Variants in INTS6 observed in about 807,000 individuals in gnomAD.
INTS6 encodes DEAD box protein.
A neutral mutation model predicts 104.9 loss-of-function variants in INTS6; 16 were observed. The ratio of observed to expected loss-of-function variants is 0.15; its 90% CI spans 0.10 to 0.23. INTS6 has a LOEUF of 0.23. INTS6 is among the 10% of genes least tolerant of loss of function. INTS6 has a pLI of 1.00. For synonymous variants in INTS6, 324 were observed against 358.7 expected (o/e 0.90, Z 1.09); for missense variants, 584 against 1,062.8 (o/e 0.55, Z 6.26).
intron 4 of INTS6, among the ~76,000 whole-genome samples, chr13:51,402,992 G>A (rs1316219498): frequency 2.6e-5 from 4 of 152,124 alleles, no homozygotes; most frequent in Admixed American, 1.3e-4. Context: ...AGGATTTAAT[G>A]TAGATAAACT....
At chr13:51,450,391 G>A (rs1207135413) in intron 3 of INTS6, 2 of 985,204 alleles carry the variant, frequency 2.0e-6, no homozygotes, top group Non-Finnish European at 2.4e-6. Flanking sequence ...AAGAAACGAA[G>A]GGTTCTTTCA....
chr13:51,364,347 C>A lies in INTS6; in HGVS notation c.*1405G>T. On this transcript the variant is annotated 3_prime_UTR_variant, in exon 18 of 18. Transcript: ENST00000311234. ...AGTTATAATTTCATTTTGCTATACC[C>A]TTGAAATTTAAAAAAATGTCTGATA... The A allele has an allele frequency of 1.1e-6, 1 of 911,712 alleles. No homozygotes were observed. The highest frequency in any genetic ancestry group is 1.6e-6 in the Non-Finnish European group (1 of 624,062). The allele number at this position is 911,712 out of a possible 1,614,324, so 56.5% of individuals were successfully genotyped here. A position where few individuals can be genotyped will look rare whatever the true frequency, so the allele number is the denominator to read the frequency against.
At chr13:51,391,252 A>G (rs939961290) in intron 5 of INTS6, among the ~76,000 whole-genome samples, 3 of 152,148 alleles carry the variant, frequency 2.0e-5, no homozygotes, top group South Asian at 2.1e-4. Flanking sequence ...CATATTCCTA[A>G]GATGTCATTA....
the INTS6 span, chr13:51,341,235 G>A: frequency 2.7e-3 from 4,376 of 1,613,972 alleles, 11 homozygotes; most frequent in Non-Finnish European, 3.3e-3. Flanking sequence ...GAAATGAGAC[G>A]AACTTTGTCA....
rs1358109403 is a variant in INTS6 at position 51,452,332 on chromosome 13, C to T, written c.111+83G>A. On this transcript the variant is annotated intron_variant, in intron 1 of 17. Coordinates refer to ENST00000311234, the MANE Select transcript of INTS6 (RefSeq NM_012141.3). This position sits in a 1 kb window ranked among gnomAD's most constrained non-coding sequence, Gnocchi z 4.2. ...AGCTCCCGCAGTCAGGTCCCCGACA[C>T]CCCCGCCCCGGCCGCCCTCCCCCAC... 22 of 1,264,746 alleles carry T rather than the reference C, an allele frequency of 1.7e-5. No homozygotes were observed. In the South Asian group the frequency reaches 2.2e-4, roughly 13 times the overall value. 78.3% of individuals were successfully genotyped at this position (1,264,746 alleles called of 1,614,324 possible). A position where few individuals can be genotyped will look rare whatever the true frequency, so the allele number is the denominator to read the frequency against.
In INTS6 at chr13:51,368,954, G is replaced by A. The variant is rs1273652004; in HGVS notation, c.2461C>T (p.Arg821Ter). 1 of 1,583,076 alleles carries A rather than the reference G, an allele frequency of 6.3e-7. No homozygotes were observed. Among genetic ancestry groups the A allele is most frequent in the Non-Finnish European group, 8.6e-7 (1 of 1,163,918 alleles). ...TTATACATACTTCTTCCTGGCTTTC[G>A]GATCTCTTTCATTATTTGTGCTTTT... Reference protein sequence around the residue: ...ELKAQIMKEIRKPGRKYERIF... With the variant: ...ELKAQIMKEI The change falls in exon 16 of 18, where the codon CGA becomes TGA. Residue 821 changes from arginine (R) to a stop codon, truncating the protein, a stop_gained. Transcript: ENST00000311234. LOFTEE classifies it high-confidence loss of function.
intron 3 of INTS6, chr13:51,354,395 C>A (rs1193865986): frequency 6.6e-6 from 1 of 152,108 alleles, no homozygotes; most frequent in African/African-American, 2.4e-5. Context: ...TGATAATCCA[C>A]ATAAAGCTCT....
the INTS6 span, chr13:51,348,426 C>G: frequency 6.2e-7 from 1 of 1,606,384 alleles, no homozygotes; most frequent in African/African-American, 1.3e-5. Flanking sequence ...GCAGCTGAGT[C>G]CCCCTCACAG....
chr13:51,372,686 C>T (rs1279560811), intron 15 of INTS6, among the ~76,000 whole-genome samples: 2 of 152,204 alleles, frequency 1.3e-5, no homozygotes, highest in Non-Finnish European at 2.9e-5. Flanking sequence ...CCCAGTGTCT[C>T]TCAAGACATA....
chr13:51,384,575 C>A lies in INTS6; in HGVS notation c.895-834G>T, dbSNP rs117271676. On this transcript the variant is annotated intron_variant, in intron 7 of 17. Transcript: ENST00000311234. Reference sequence around the variant, plus strand: ...ACTACCCACTAGACATAACCTGAATCTTCCACAGGTTCCTCAGACACAATA... The same window carrying A: ...ACTACCCACTAGACATAACCTGAATATTCCACAGGTTCCTCAGACACAATA... The A allele has an allele frequency of 5.4e-4, 246 of 455,140 alleles. 1 individual carries two copies. The East Asian group carries it at 0.01, about 19-fold the overall frequency. 28.2% of individuals were successfully genotyped at this position (455,140 alleles called of 1,614,324 possible).
At chr13:51,388,792 T>C (rs1566217817) in intron 6 of INTS6, among the ~76,000 whole-genome samples, 1 of 152,230 alleles carries the variant, frequency 6.6e-6, no homozygotes, top group Non-Finnish European at 1.5e-5. Flanking sequence ...CACTGGCTAT[T>C]GGAAATAGTT....
In INTS6 at chr13:51,374,338, C is replaced by T. The variant is rs769798457; in HGVS notation, c.1974G>A (p.Arg658=). The change falls in exon 15 of 18, where the codon CGG becomes CGA. Residue 658 remains arginine (R), a synonymous_variant. Transcript: ENST00000311234. ...PNMQGIPKRR[R]CMSPLLRGRQ... ...TGCCTCTTAGTAGTGGAGACATACA[C>T]CGACGTCTTTTAGGGATCCCTTGCA... 31 of 1,613,976 alleles carry T rather than the reference C, an allele frequency of 1.9e-5. No homozygotes were observed. Among genetic ancestry groups the T allele is most frequent in the Non-Finnish European group, 8.5e-6 (10 of 1,179,992 alleles).
At chr13:51,450,491 T>G in intron 3 of INTS6, 1 of 985,358 alleles carries the variant, frequency 1.0e-6, no homozygotes, top group Non-Finnish European at 1.2e-6. Context: ...CCTGCAATAG[T>G]TGTTAACTGT....
chr13:51,342,645 C>T, the INTS6 span, among the ~76,000 whole-genome samples: 1 of 152,152 alleles, frequency 6.6e-6, no homozygotes, highest in Admixed American at 6.5e-5. Context: ...ATGTTTCTGA[C>T]TAAAAGAATG....
intron 15 of INTS6, among the ~76,000 whole-genome samples, chr13:51,370,695 TG>T (rs1401231405): frequency 1.3e-5 from 2 of 152,054 alleles, no homozygotes; most frequent in African/African-American, 4.8e-5. Flanking sequence ...GGCAGAAAAA[TG>T]GCAACTGCTT....
the INTS6 span, chr13:51,335,741 TGTCGA>T: frequency 6.6e-6 from 1 of 152,234 alleles, no homozygotes; most frequent in Non-Finnish European, 1.5e-5. Flanking sequence ...AGTTGCACAC[TGTCGA>T]GTATCGCCCA....
intron 4 of INTS6, 119 bp downstream of exon 4, chr13:51,430,175 G>A: frequency 1.3e-6 from 1 of 760,488 alleles, no homozygotes; most frequent in South Asian, 1.7e-5. Flanking sequence ...GGAGACAGAT[G>A]ACTCTAAATT....
chr13:51,351,528 A>T (rs979023134), downstream of INTS6, among the ~76,000 whole-genome samples: 1 of 152,038 alleles, frequency 6.6e-6, no homozygotes, highest in African/African-American at 2.4e-5. Context: ...TTTATTCTGG[A>T]TACTAGTACC....
chr13:51,346,929 C>A, the INTS6 span: 10 of 859,710 alleles, frequency 1.2e-5, no homozygotes, highest in African/African-American at 1.5e-4. Flanking sequence ...TGCATTTTCG[C>A]ATTTTAACTC....
Sources: allele counts gnomAD v4.1 joint callset (sites outside exome capture counted in the v4.1 genomes callset), GRCh38; gene constraint gnomAD v4.1.1; non-coding constraint Gnocchi (gnomAD v3.1); transcripts MANE v1.5; gene names NCBI Gene and HGNC (gene_info 2026-07-23, HGNC 2026-07-21).